SUCO: variants seen among roughly 807,000 people sequenced by gnomAD.
SUCO encodes the protein SUN domain-containing ossification factor.
A neutral mutation model predicts 148.1 loss-of-function variants in SUCO; 57 were observed. That is an observed-to-expected ratio of 0.38 (90% CI 0.31 to 0.48). The LOEUF (loss-of-function observed/expected upper bound fraction) is 0.48, where lower values mean the gene tolerates loss of function less well. Among genes scored for constraint, SUCO ranks in the 20% least tolerant of loss-of-function variants. The probability of loss-of-function intolerance (pLI) is 0.96; values close to 1 mark genes in which losing one functional copy is unlikely to be tolerated. For synonymous variants in SUCO, 470 were observed against 502.7 expected, an observed-to-expected ratio of 0.93 and a Z score of 0.87; for missense variants, 1,331 against 1,468.2, an observed-to-expected ratio of 0.91 and a Z score of 1.53.
chr1:172,577,917 A>G (rs1655572511), intron 13 of SUCO, 98 bp downstream of exon 13: 1 of 830,916 alleles, frequency 1.2e-6, no homozygotes, highest in Admixed American at 3.0e-5. Flanking sequence ...CTCTTACGTG[A>G]GTTAATACCA....
intron 15 of SUCO, among the ~76,000 whole-genome samples, chr1:172,582,372 A>G (rs1327948118): frequency 1.3e-5 from 2 of 152,162 alleles, no homozygotes; most frequent in Non-Finnish European, 2.9e-5. Flanking sequence ...CAACTTCAGC[A>G]GCCTGGAAAA....
intron 11 of SUCO, among the ~76,000 whole-genome samples, chr1:172,577,307 GTTAAT>G (rs1330937470): frequency 1.3e-5 from 2 of 151,576 alleles, no homozygotes; most frequent in African/African-American, 4.8e-5. Flanking sequence ...TAACCTTAAA[GTTAAT>G]TTATTTCATT....
At chr1:172,568,305 T>TTGCACC in intron 6 of SUCO, 2 of 905,996 alleles carry the variant, frequency 2.2e-6, no homozygotes, top group Non-Finnish European at 2.6e-6. Context: ...ATTCTTTGCT[T>TTGCACC]CCCACCCACC....
chr1:172,547,090 C>G (rs1007490486), intron 1 of SUCO, among the ~76,000 whole-genome samples: 19 of 152,234 alleles, frequency 1.2e-4, no homozygotes, highest in South Asian at 2.1e-4. Context: ...GATCTGATTT[C>G]TGTCACCATG....
At chr1:172,560,952 C>T (rs1042635853) in intron 6 of SUCO, among the ~76,000 whole-genome samples, 1 of 152,202 alleles carries the variant, frequency 6.6e-6, no homozygotes, top group African/African-American at 2.4e-5. Context: ...AGATACTTTC[C>T]CCCTATTCTA....
chr1:172,606,271 C>G (rs1321056568), intron 22 of SUCO, among the ~76,000 whole-genome samples: 1 of 112,530 alleles, frequency 8.9e-6, no homozygotes, highest in Non-Finnish European at 1.8e-5. Context: ...GCAGGGGTAT[C>G]CCTTTTAATT....
At chr1:172,543,434 T>C (rs1652635225) in intron 1 of SUCO, among the ~76,000 whole-genome samples, 1 of 152,214 alleles carries the variant, frequency 6.6e-6, no homozygotes, top group Non-Finnish European at 1.5e-5. Context: ...TTATCAAGTA[T>C]AGGGCATGAT....
intron 1 of SUCO, 99 bp downstream of exon 1, chr1:172,533,596 G>A: frequency 7.1e-7 from 1 of 1,405,732 alleles, no homozygotes; most frequent in Admixed American, 2.9e-5. Flanking sequence ...TTAGGGTCCG[G>A]GTTTCCAAGG....
At chr1:172,535,874 T>C (rs1397419845) in intron 1 of SUCO, among the ~76,000 whole-genome samples, 1 of 152,234 alleles carries the variant, frequency 6.6e-6, no homozygotes, top group Non-Finnish European at 1.5e-5. Context: ...TTTTGTCTTG[T>C]AGCCTTGAGT....
At chr1:172,536,256 A>ACCATAGTC (rs58427189) in intron 1 of SUCO, among the ~76,000 whole-genome samples, 7,504 of 152,234 alleles carry the variant, frequency 0.049, 562 homozygotes, top group African/African-American at 0.17. Context: ...GCTCCTGAGT[A>ACCATAGTC]CTTTATAGGT....
At chr1:172,584,956 A>G (rs1015510209) in intron 15 of SUCO, 62 bp from the exon 16 acceptor site, 53 of 1,058,580 alleles carry the variant, frequency 5.0e-5, no homozygotes, top group Non-Finnish European at 6.2e-5. Context: ...TGACTATCTG[A>G]TATTAATTTA....
At chr1:172,548,687 A>T (rs1394544535) in intron 1 of SUCO, among the ~76,000 whole-genome samples, 1 of 151,892 alleles carries the variant, frequency 6.6e-6, no homozygotes, top group Admixed American at 6.6e-5. Flanking sequence ...TCTTTCTGTT[A>T]TTTCAAATTT....
Position 172,551,590 on chromosome 1 carries a change from C to T in SUCO, c.141C>T (p.Cys47=), listed in dbSNP as rs376930360. The T allele has an allele frequency of 9.9e-6, 16 of 1,608,094 alleles. No individual in the cohort carries two copies. In the East Asian group the frequency reaches 1.8e-4, roughly 18 times the overall value. Reference sequence around the variant, plus strand: ...CATATTACTCTCAAGATGACAACTGCGCACTAGAAAATGAAGATGTACAAT... The same window carrying T: ...CATATTACTCTCAAGATGACAACTGTGCACTAGAAAATGAAGATGTACAAT... The part of the protein sequence containing the change: ...ASSYYSQDDN[C]ALENEDVQFQ... The change falls in exon 2 of 24, where the codon TGC becomes TGT. Residue 47 remains cysteine (C), a synonymous_variant. Coordinates refer to ENST00000263688, the MANE Select transcript of SUCO (RefSeq NM_014283.5).
chr1:172,555,927 T>C lies in SUCO; in HGVS notation c.347T>C (p.Leu116Ser), dbSNP rs1270097317. 6.2e-7 allele frequency: 1 copy of C among 1,613,610 alleles called. No individual in the cohort carries two copies. Among genetic ancestry groups the C allele is most frequent in the Non-Finnish European group, 8.5e-7 (1 of 1,179,678 alleles). The change falls in exon 4 of 24, where the codon TTG becomes TCG. Residue 116 changes from leucine (L) to serine (S), a missense_variant. Physicochemically the swap from Leu to Ser is moderately radical, Grantham distance 145. Around this residue, in one of 3 missense-constraint regions of SUCO, gnomAD observed 992 missense variants for 1,093.5 expected, o/e 0.91. Transcript: ENST00000263688. The part of the protein sequence containing the change: ...PVVETLPTVD[L>S]HEESSNAVVD... Reference sequence around the variant, plus strand: ...GTGGAGACACTCCCTACAGTTGATTTGCATGAAGAGTCTTCCAATGCAGTT... The same window carrying C: ...GTGGAGACACTCCCTACAGTTGATTCGCATGAAGAGTCTTCCAATGCAGTT...
At chr1:172,532,886 C>G, upstream of SUCO, 1 of 1,457,038 alleles carries the variant, frequency 6.9e-7, no homozygotes, top group Non-Finnish European at 9.2e-7. Flanking sequence ...GGACCTGGGG[C>G]GGGCGGAGCG....
chr1:172,563,710 A>G (rs1279523300), intron 6 of SUCO, among the ~76,000 whole-genome samples: 1 of 152,206 alleles, frequency 6.6e-6, no homozygotes, highest in Non-Finnish European at 1.5e-5. Context: ...AGAAAAACCC[A>G]TTCACTGGGG....
intron 21 of SUCO, 40 bp downstream of exon 21, chr1:172,602,258 C>T (rs1657579679): frequency 3.3e-6 from 5 of 1,505,300 alleles, no homozygotes; most frequent in Non-Finnish European, 3.6e-6. Context: ...ATTTTTTTTA[C>T]TATGCTTTGT....
At chr1:172,546,779 C>G (rs1234183840) in intron 1 of SUCO, among the ~76,000 whole-genome samples, 1 of 152,112 alleles carries the variant, frequency 6.6e-6, no homozygotes, top group Non-Finnish European at 1.5e-5. Flanking sequence ...CATTTTGGTG[C>G]TTGCATGTAG....
intron 4 of SUCO, chr1:172,556,713 A>G: frequency 1.0e-6 from 1 of 985,252 alleles, no homozygotes; most frequent in Non-Finnish European, 1.2e-6. Flanking sequence ...AGTATGGGCC[A>G]GGGAACAGAA....
Sources: gnomAD v4.1 joint callset for allele counts (sites outside exome capture counted in the v4.1 genomes callset) on GRCh38, gnomAD v4.1.1 for gene constraint, gnomAD v4.1.1 regional missense constraint, MANE v1.5 for transcripts, NCBI Gene and HGNC (gene_info 2026-07-23, HGNC 2026-07-21) for gene names.